The following DAZAP2 variants were observed in gnomAD, a reference collection of about 807,000 sequenced individuals.
DAZAP2 encodes the protein DAZ associated protein 2, also known as DAZ-associated protein 2.
Under a neutral mutation model 16.2 loss-of-function variants are expected in DAZAP2, and 3 were observed. The observed-to-expected ratio is 0.19, with a 90% confidence interval of 0.08 to 0.48. The LOEUF (loss-of-function observed/expected upper bound fraction) is 0.48. Ranked by LOEUF, DAZAP2 falls within the 20% of genes least tolerant of loss-of-function variation. DAZAP2 has a pLI of 0.98. For synonymous variants in DAZAP2, 69 were observed against 77.6 expected (o/e 0.89, Z 0.58); for missense variants, 172 against 215.9 (o/e 0.80, Z 1.27).
intron 3 of DAZAP2, 51 bp from the exon 4 acceptor site, chr12:51,242,279 T>C (rs778733375): frequency 6.5e-7 from 1 of 1,526,804 alleles, no homozygotes; most frequent in African/African-American, 1.4e-5. Context: ...TATGTCCCCT[T>C]CGCTTATATT....
intron 2 of DAZAP2, 76 bp downstream of exon 2, chr12:51,240,537 C>A: frequency 7.9e-7 from 1 of 1,263,592 alleles, no homozygotes; most frequent in Non-Finnish European, 1.2e-6. Flanking sequence ...CTAAATCTGA[C>A]TTCACATATT....
chr12:51,246,050 T>C, downstream of DAZAP2: 2 of 1,613,998 alleles, frequency 1.2e-6, no homozygotes, highest in South Asian at 2.2e-5. Context: ...GCTGCCTTTG[T>C]TCTTGTACAG....
At chr12:51,246,486 T>C (rs146970796), downstream of DAZAP2, 1,506 of 442,080 alleles carry the variant, frequency 3.4e-3, 2 homozygotes, top group Middle Eastern at 0.011. Flanking sequence ...ACCACATATA[T>C]CCTCGTCCCT....
At chr12:51,241,166 T>G (rs1477246357) in intron 3 of DAZAP2, 50 bp downstream of exon 3, 1 of 1,595,966 alleles carries the variant, frequency 6.3e-7, no homozygotes, top group Non-Finnish European at 8.5e-7. Context: ...ATTTTAACTT[T>G]CTGAAATGAC....
In DAZAP2 at chr12:51,243,198, A is replaced by C. The variant is rs1252304971; in HGVS notation, c.*740A>C. On this transcript the variant is annotated 3_prime_UTR_variant, in exon 4 of 4. Coordinates refer to ENST00000412716, the MANE Select transcript of DAZAP2 (RefSeq NM_014764.4). The stretch of plus-strand genomic sequence containing the variant: ...GGCCCTCCTCATAGGTTGTCTCTGC[A>C]TACACGAACCTAACCCAAATTTGCT... 1 of 985,830 alleles carries C rather than the reference A, an allele frequency of 1.0e-6. No homozygotes were observed. Among genetic ancestry groups the C allele is most frequent in the Admixed American group, 6.2e-5 (1 of 16,258 alleles). 61.1% of individuals were successfully genotyped at this position (985,830 alleles called of 1,614,324 possible).
At chr12:51,239,000 A>G in intron 1 of DAZAP2, 80 bp downstream of exon 1, 1 of 1,585,286 alleles carries the variant, frequency 6.3e-7, no homozygotes, top group Non-Finnish European at 8.6e-7. Flanking sequence ...CAGGGTCACC[A>G]AACGCCAGGT....
At chr12:51,238,964 G>A (rs751628823) in intron 1 of DAZAP2, 44 bp downstream of exon 1, 1 of 1,609,174 alleles carries the variant, frequency 6.2e-7, no homozygotes, top group South Asian at 1.1e-5. Flanking sequence ...GAGTACTGCT[G>A]GCCCAGAGCG....
downstream of DAZAP2, chr12:51,246,622 G>A (rs1944775217): frequency 1.7e-6 from 1 of 574,416 alleles, no homozygotes; most frequent in African/African-American, 2.0e-5. Flanking sequence ...GTGTGTGTGT[G>A]TGTGTGTGTG....
chr12:51,242,114 C>T (rs1944688113), intron 3 of DAZAP2, among the ~76,000 whole-genome samples: 1 of 151,974 alleles, frequency 6.6e-6, no homozygotes, highest in South Asian at 2.1e-4. Context: ...AGAGCTGGAA[C>T]CCTTTGAATG....
chr12:51,238,895 A>T lies in DAZAP2; in HGVS notation c.-13A>T. 6.2e-7 allele frequency: 1 copy of T among 1,613,388 alleles called. No homozygotes were observed. The highest frequency in any genetic ancestry group is 1.1e-5 in the South Asian group (1 of 91,074). On this transcript the variant is annotated 5_prime_UTR_variant, in exon 1 of 4. Coordinates refer to ENST00000412716, the MANE Select transcript of DAZAP2 (RefSeq NM_014764.4). ...CGTCCGCGACGCCGAGACAAACCGG[A>T]CCCGCAACCACCATGAACAGCAAAG...
intron 3 of DAZAP2, 93 bp from the exon 4 acceptor site, chr12:51,242,237 A>T: frequency 1.3e-6 from 2 of 1,492,910 alleles, no homozygotes; most frequent in South Asian, 2.7e-5. Flanking sequence ...TGGTTAGCAC[A>T]TTGCCTCATC....
intron 1 of DAZAP2, chr12:51,239,317 G>C (rs921787079): frequency 4.5e-6 from 1 of 222,804 alleles, no homozygotes; most frequent in Non-Finnish European, 9.1e-6. Context: ...GAGTTGGTTC[G>C]TGGGCCGGGG....
intron 1 of DAZAP2, chr12:51,239,166 G>T (rs897386670): frequency 9.1e-6 from 5 of 546,660 alleles, no homozygotes; most frequent in Non-Finnish European, 1.3e-5. Flanking sequence ...CGGGTGGTGG[G>T]GGGGCTTGAC....
At chr12:51,245,807 G>T, downstream of DAZAP2, 1 of 1,022,460 alleles carries the variant, frequency 9.8e-7, no homozygotes, top group Non-Finnish European at 1.4e-6. Context: ...ATTTGGGACT[G>T]CGACCTGGCT....
chr12:51,244,080 G>C (rs146669719), downstream of DAZAP2: 2 of 260,798 alleles, frequency 7.7e-6, no homozygotes, highest in Non-Finnish European at 1.2e-5. Flanking sequence ...TTGGCTTGAA[G>C]AAAAGGTTCT....
At chr12:51,246,541 G>C, downstream of DAZAP2, 1 of 460,826 alleles carries the variant, frequency 2.2e-6, no homozygotes, top group Non-Finnish European at 3.8e-6. Flanking sequence ...TCTATTTGCG[G>C]CCACCTCCCA....
chr12:51,239,135 C>T (rs1944612195), intron 1 of DAZAP2: 1 of 650,866 alleles, frequency 1.5e-6, no homozygotes, highest in Non-Finnish European at 2.5e-6. Context: ...AACTCTGTGG[C>T]GCAGTTTGGA....
At position 51,238,987 on chromosome 12, in the gene DAZAP2, G is replaced by A. The variant is rs116794857; in HGVS notation, c.13+67G>A. The A allele has an allele frequency of 7.8e-4, 1,247 of 1,596,830 alleles. 9 individuals are homozygous for A. The African/African-American group carries it at 0.015, about 19-fold the overall frequency. The stretch of plus-strand genomic sequence containing the variant: ...CTGGCCCAGAGCGAGCGGATTCGGA[G>A]CCCAGGGTCACCAAACGCCAGGTTT... On this transcript the variant is annotated intron_variant, in intron 1 of 3. Coordinates refer to ENST00000412716, the MANE Select transcript of DAZAP2 (RefSeq NM_014764.4).
At chr12:51,242,242 C>G in intron 3 of DAZAP2, 88 bp from the exon 4 acceptor site, 1 of 1,497,662 alleles carries the variant, frequency 6.7e-7, no homozygotes, top group South Asian at 1.4e-5. Flanking sequence ...AGCACATTGC[C>G]TCATCCTAAC....
Sources: gnomAD v4.1 joint callset for allele counts (sites outside exome capture counted in the v4.1 genomes callset) on GRCh38, gnomAD v4.1.1 for gene constraint, MANE v1.5 for transcripts, NCBI Gene and HGNC (gene_info 2026-07-23, HGNC 2026-07-21) for gene names.